Variants in SYNE2 observed in about 807,000 individuals in gnomAD.
SYNE2 encodes nesprin-2.
A neutral mutation model predicts 856.3 loss-of-function variants in SYNE2; 431 were observed. The ratio of observed to expected loss-of-function variants is 0.50; its 90% CI spans 0.47 to 0.55. The LOEUF (loss-of-function observed/expected upper bound fraction) is 0.55, where lower values mean the gene tolerates loss of function less well. Ranked by LOEUF, SYNE2 falls within the 20% of genes least tolerant of loss-of-function variation. SYNE2 has a pLI of 0.00. For missense variants in SYNE2, 8,129 were observed against 8,023.2 expected (o/e 1.01, Z -0.50); for synonymous variants, 2,923 against 2,872.3 (o/e 1.02, Z -0.56).
chr14:63,775,210 G>A (rs903859433), intron 1 of SYNE2, among the ~76,000 whole-genome samples: 1 of 151,938 alleles, frequency 6.6e-6, no homozygotes, highest in African/African-American at 2.4e-5. Flanking sequence ...TCCTGACCTT[G>A]GGTGATCCAC....
chr14:63,890,800 T>C (rs1054211084), intron 1 of SYNE2, among the ~76,000 whole-genome samples: 2 of 152,228 alleles, frequency 1.3e-5, no homozygotes, highest in Non-Finnish European at 2.9e-5. Context: ...GTTAGGAAGA[T>C]TGAAATTGCT....
intron 1 of SYNE2, among the ~76,000 whole-genome samples, chr14:63,818,791 C>G (rs1889105711): frequency 6.6e-6 from 1 of 151,190 alleles, no homozygotes; most frequent in Non-Finnish European, 1.5e-5. Flanking sequence ...CTCTGCCTCC[C>G]AGGTTCACGC....
intron 1 of SYNE2, among the ~76,000 whole-genome samples, chr14:63,880,369 G>A (rs1216570096): frequency 1.3e-5 from 2 of 152,156 alleles, no homozygotes; most frequent in Non-Finnish European, 2.9e-5. Flanking sequence ...TGGGATTACA[G>A]GCGTGAGCCA....
intron 84 of SYNE2, among the ~76,000 whole-genome samples, chr14:64,150,272 A>G (rs1203159891): frequency 7.8e-6 from 1 of 128,542 alleles, no homozygotes; most frequent in African/African-American, 3.0e-5. Context: ...AGCATGGGTG[A>G]CAGAGCAAGA....
chr14:63,763,064 T>G (rs570733452), intron 1 of SYNE2, among the ~76,000 whole-genome samples: 363 of 152,238 alleles, frequency 2.4e-3, no homozygotes, highest in Non-Finnish European at 3.5e-3. Context: ...GCCTCCCAGG[T>G]TCAAGAAATT....
At chr14:64,109,938 C>G (rs1005259161) in intron 65 of SYNE2, among the ~76,000 whole-genome samples, 2 of 152,166 alleles carry the variant, frequency 1.3e-5, no homozygotes, top group African/African-American at 4.8e-5. Context: ...CTGAGTCATT[C>G]TTGACCCGTA....
intron 70 of SYNE2, among the ~76,000 whole-genome samples, chr14:64,123,185 T>C (rs1203815637): frequency 6.6e-6 from 1 of 152,202 alleles, no homozygotes; most frequent in Non-Finnish European, 1.5e-5. Flanking sequence ...ATCTACCATG[T>C]GCCAACGCCT....
chr14:64,135,510 A>C (rs1342366346), intron 78 of SYNE2, among the ~76,000 whole-genome samples: 1 of 152,080 alleles, frequency 6.6e-6, no homozygotes, highest in Non-Finnish European at 1.5e-5. Context: ...AGTGGGGGTG[A>C]TGAGAGTACT....
At chr14:63,912,671 A>G (rs765367308) in intron 2 of SYNE2, among the ~76,000 whole-genome samples, 2 of 152,230 alleles carry the variant, frequency 1.3e-5, no homozygotes, top group Non-Finnish European at 2.9e-5. Flanking sequence ...AGGTGAGACA[A>G]TTGTGGCAAC....
chr14:63,942,532 G>A (rs866938989), intron 6 of SYNE2, among the ~76,000 whole-genome samples: 1 of 151,330 alleles, frequency 6.6e-6, no homozygotes, highest in Non-Finnish European at 1.5e-5. Flanking sequence ...TTTTGCTCTC[G>A]TTGCCCAGGC....
At chr14:64,109,161 G>A (rs1345227358) in intron 65 of SYNE2, among the ~76,000 whole-genome samples, 1 of 151,738 alleles carries the variant, frequency 6.6e-6, no homozygotes. Context: ...AAAATCAGAT[G>A]TAGCTTCAAT....
At chr14:64,214,986 C>T (rs777267971) in intron 106 of SYNE2, among the ~76,000 whole-genome samples, 3 of 152,126 alleles carry the variant, frequency 2.0e-5, no homozygotes, top group African/African-American at 7.2e-5. Context: ...GAAGTCCTCC[C>T]GCCTCAGCCT....
At chr14:64,054,556 G>A (rs936834542) in intron 48 of SYNE2, among the ~76,000 whole-genome samples, 7 of 152,140 alleles carry the variant, frequency 4.6e-5, no homozygotes, top group African/African-American at 1.4e-4. Context: ...AATCCTTCCC[G>A]CAGTGCCTGT....
At chr14:63,829,778 A>G (rs1330522346) in intron 1 of SYNE2, among the ~76,000 whole-genome samples, 1 of 151,908 alleles carries the variant, frequency 6.6e-6, no homozygotes, top group Non-Finnish European at 1.5e-5. Flanking sequence ...GCACTGCCCC[A>G]GATAATTTTT....
At position 63,961,567 on chromosome 14, in the gene SYNE2, A is replaced by C. The variant is rs1253506104; in HGVS notation, c.830A>C (p.Tyr277Ser). ...CCTGATGAAAAGTCCATCATGACCT[A>C]TGTGGCACAGTTTCTGCAGTATTCC... The part of the protein sequence containing the change: ...VDPDEKSIMT[Y>S]VAQFLQYSKD... The change falls in exon 9 of 116, where the codon TAT (tyrosine) becomes TCT (serine). Residue 277 changes from tyrosine to serine, a missense_variant. Tyr to Ser is a moderately radical substitution (Grantham distance 144, BLOSUM62 -2). Around this residue, in one of 3 missense-constraint regions of SYNE2, gnomAD observed 2,422 missense variants for 2,357.4 expected, o/e 1.03. Transcript: ENST00000555002. 1 of 1,614,096 alleles carries C rather than the reference A, an allele frequency of 6.2e-7. No individual in the cohort carries two copies. Among genetic ancestry groups the C allele is most frequent in the South Asian group, 1.1e-5 (1 of 91,072 alleles).
intron 1 of SYNE2, among the ~76,000 whole-genome samples, chr14:63,774,032 T>C (rs1318597268): frequency 6.6e-6 from 1 of 152,166 alleles, no homozygotes; most frequent in Admixed American, 6.6e-5. Flanking sequence ...CATTGTACAG[T>C]TCAGAAAACT....
intron 29 of SYNE2, among the ~76,000 whole-genome samples, 189 bp from the exon 30 acceptor site, chr14:64,002,531 T>G (rs563515951): frequency 6.6e-6 from 1 of 152,374 alleles, no homozygotes; most frequent in South Asian, 2.1e-4. Context: ...CTTTTTGGGA[T>G]TGAAACATGA....
At chr14:63,916,993 G>A (rs1234898968) in intron 2 of SYNE2, among the ~76,000 whole-genome samples, 2 of 152,040 alleles carry the variant, frequency 1.3e-5, no homozygotes, top group Non-Finnish European at 2.9e-5. Context: ...GGGAGGCTGA[G>A]GTGGGAGGAC....
chr14:63,782,739 A>G (rs1032411478), intron 1 of SYNE2, among the ~76,000 whole-genome samples: 5 of 152,014 alleles, frequency 3.3e-5, no homozygotes, highest in African/African-American at 9.7e-5. Context: ...GTGAAATATT[A>G]TTAGCAGATG....
Sources: allele counts gnomAD v4.1 joint callset (sites outside exome capture counted in the v4.1 genomes callset), GRCh38; gene constraint gnomAD v4.1.1; regional missense constraint gnomAD v4.1.1; transcripts MANE v1.5; gene names NCBI Gene and HGNC (gene_info 2026-07-23, HGNC 2026-07-21).